Variants in SLCO5A1 observed in about 807,000 individuals in gnomAD.
SLCO5A1 encodes the protein organic anion transporter polypeptide-related protein 4.
SLCO5A1 carries 39 observed loss-of-function variants against 65.1 expected under a neutral mutation model. The observed-to-expected ratio is 0.60, with a 90% CI of 0.46 to 0.78. The LOEUF is 0.78. Among genes scored for constraint, SLCO5A1 ranks in the 30% least tolerant of loss-of-function variants. The pLI, the probability that SLCO5A1 is intolerant of heterozygous loss-of-function variation, is 0.00. For missense variants in SLCO5A1, 1,029 were observed against 1,069.4 expected, an observed-to-expected ratio of 0.96 and a Z score of 0.53; for synonymous variants, 438 against 415.7, an observed-to-expected ratio of 1.05 and a Z score of -0.65.
intron 4 of SLCO5A1, among the ~76,000 whole-genome samples, chr8:69,746,427 T>A (rs1817031806): frequency 6.6e-6 from 1 of 151,966 alleles, no homozygotes; most frequent in South Asian, 2.1e-4. Flanking sequence ...GGGACTAAAG[T>A]CAAACAAGGC....
chr8:69,814,314 A>G (rs181251716), intron 2 of SLCO5A1, among the ~76,000 whole-genome samples: 1 of 152,162 alleles, frequency 6.6e-6, no homozygotes, highest in African/African-American at 2.4e-5. Flanking sequence ...AAGTTCAAAT[A>G]CCTCAATAGC....
chr8:69,806,093 A>AT (rs1416349686), intron 2 of SLCO5A1, among the ~76,000 whole-genome samples: 1 of 152,244 alleles, frequency 6.6e-6, no homozygotes. Context: ...AGGAAGGTCC[A>AT]TGAATCTGCA....
chr8:69,691,724 G>T (rs1010818206), intron 6 of SLCO5A1, among the ~76,000 whole-genome samples: 1 of 152,092 alleles, frequency 6.6e-6, no homozygotes. Flanking sequence ...TTAATGACAG[G>T]GACACATTCT....
At chr8:69,694,108 T>G (rs916191142) in intron 6 of SLCO5A1, among the ~76,000 whole-genome samples, 3 of 152,156 alleles carry the variant, frequency 2.0e-5, no homozygotes, top group African/African-American at 7.2e-5. Flanking sequence ...ACATCCCCAA[T>G]AGCTCATTCA....
chr8:69,687,544 A>G (rs2130794538), intron 6 of SLCO5A1, among the ~76,000 whole-genome samples: 1 of 152,312 alleles, frequency 6.6e-6, no homozygotes, highest in East Asian at 1.9e-4. Flanking sequence ...ATAATGTGTC[A>G]CTTATATGGC....
At chr8:69,796,740 A>G (rs1028008860) in intron 2 of SLCO5A1, among the ~76,000 whole-genome samples, 3 of 151,980 alleles carry the variant, frequency 2.0e-5, no homozygotes, top group Non-Finnish European at 2.9e-5. Context: ...TTGCTCATAC[A>G]TATGAGCATA....
intron 2 of SLCO5A1, among the ~76,000 whole-genome samples, chr8:69,812,209 A>T (rs1325213805): frequency 1.3e-5 from 2 of 152,180 alleles, no homozygotes; most frequent in African/African-American, 4.8e-5. Flanking sequence ...GCAACTTCTT[A>T]ACGTTAGTTT....
At chr8:69,817,775 T>G (rs1820465965) in intron 2 of SLCO5A1, among the ~76,000 whole-genome samples, 1 of 152,358 alleles carries the variant, frequency 6.6e-6, no homozygotes, top group Admixed American at 6.5e-5. Context: ...CTGATCCTTA[T>G]TCTCCAAAAC....
intron 5 of SLCO5A1, among the ~76,000 whole-genome samples, chr8:69,724,207 T>C (rs1815962030): frequency 1.3e-5 from 2 of 152,232 alleles, no homozygotes; most frequent in Admixed American, 1.3e-4. Context: ...TTGGTATTTA[T>C]ACAGTACCTA....
chr8:69,765,445 T>A (rs1818021778), intron 2 of SLCO5A1, among the ~76,000 whole-genome samples: 1 of 151,650 alleles, frequency 6.6e-6, no homozygotes, highest in East Asian at 1.9e-4. Flanking sequence ...TATATAATTC[T>A]TGACCTGGTC....
intron 8 of SLCO5A1, among the ~76,000 whole-genome samples, chr8:69,677,253 C>T (rs968007007): frequency 2.0e-5 from 3 of 152,120 alleles, no homozygotes; most frequent in Non-Finnish European, 4.4e-5. Flanking sequence ...ACTTATACTC[C>T]AAGTTATTCC....
Position 69,702,113 on chromosome 8 carries a change from T to G in SLCO5A1, c.1622+2918A>C, listed in dbSNP as rs978987560. Among the ~76,000 whole-genome samples the G allele has an allele frequency of 1.3e-4, 20 of 152,364 alleles. No homozygotes were observed. The East Asian group carries it at 3.7e-3, about 28-fold the overall frequency. On this transcript the variant is annotated intron_variant, in intron 6 of 9. Transcript: ENST00000260126. ...AGCTAGTCATAAGACTGCTGGGTTT[T>G]TGTTATGAACTTTTTAATTCTATTT...
At chr8:69,711,207 C>T (rs1331787629) in intron 5 of SLCO5A1, among the ~76,000 whole-genome samples, 1 of 152,134 alleles carries the variant, frequency 6.6e-6, no homozygotes, top group Non-Finnish European at 1.5e-5. Context: ...TACGGTCCTG[C>T]CGCTAGCCCT....
rs780874586 is a variant in SLCO5A1 at position 69,832,309 on chromosome 8, A to T, written c.365T>A (p.Val122Glu). 6.2e-7 allele frequency: 1 copy of T among 1,614,218 alleles called. No homozygotes were observed. Among genetic ancestry groups the T allele is most frequent in the South Asian group, 1.1e-5 (1 of 91,090 alleles). Residue 122 changes from valine to glutamate, a missense_variant, in exon 2 of 10, where the codon GTG (valine) becomes GAG (glutamate). Transcript: ENST00000260126. The surrounding 1 kb of genome is among the most constrained non-coding windows in gnomAD (Gnocchi z 4.5). ...AMLQERRCLY[V>E]VLTDSRCFLV... is the part of the protein sequence containing the mutation. ...GAAGCAACGGGAATCCGTGAGGACC[A>T]CGTAGAGGCACCTTCTCTCCTGGAG...
intron 2 of SLCO5A1, among the ~76,000 whole-genome samples, chr8:69,822,415 T>C (rs1820687018): frequency 6.6e-6 from 1 of 152,220 alleles, no homozygotes; most frequent in Admixed American, 6.5e-5. Context: ...CCTTGAGTCC[T>C]GAGAAAATTT....
chr8:69,690,014 G>C lies in SLCO5A1; in HGVS notation c.1623-7671C>G, dbSNP rs150914300. On this transcript the variant is annotated intron_variant, in intron 6 of 9. Transcript: ENST00000260126. ...TTTGTTTGTATCCTCTTTTATTTCA[G>C]CAAGGCCGGTGGACCCCGCCCCGCC... Among the ~76,000 whole-genome samples the C allele has an allele frequency of 5.1e-3, 780 of 151,736 alleles. 6 individuals carry two copies. The highest frequency in any genetic ancestry group is 0.016 in the African/African-American group (666 of 41,490).
In SLCO5A1 at chr8:69,798,085, C is replaced by T. The variant is rs113874198; in HGVS notation, c.907+33682G>A. Among the ~76,000 whole-genome samples, 1,053 of 152,286 alleles carry T rather than the reference C, an allele frequency of 6.9e-3. 5 individuals are homozygous for T. Among genetic ancestry groups the T allele is most frequent in the Non-Finnish European group, 0.012 (794 of 68,032 alleles). On this transcript the variant is annotated intron_variant, in intron 2 of 9. Coordinates refer to ENST00000260126, the MANE Select transcript of SLCO5A1 (RefSeq NM_030958.3). Reference sequence around the variant, plus strand: ...TCTTTCCCTTTACTTCTCAGACCAGCCGACACTTAGGGAAAATAGAAAAGA... The same window carrying T: ...TCTTTCCCTTTACTTCTCAGACCAGTCGACACTTAGGGAAAATAGAAAAGA...
At chr8:69,746,746 C>A (rs1377281800) in intron 4 of SLCO5A1, among the ~76,000 whole-genome samples, 2 of 152,182 alleles carry the variant, frequency 1.3e-5, no homozygotes, top group African/African-American at 4.8e-5. Flanking sequence ...CATAAGCTTC[C>A]ATATTAATCA....
intron 2 of SLCO5A1, among the ~76,000 whole-genome samples, chr8:69,823,592 T>C (rs924528517): frequency 6.6e-6 from 1 of 152,168 alleles, no homozygotes; most frequent in Non-Finnish European, 1.5e-5. Context: ...TAAATATATA[T>C]GCACCCAATA....
Sources: allele counts gnomAD v4.1 joint callset (sites outside exome capture counted in the v4.1 genomes callset), GRCh38; gene constraint gnomAD v4.1.1; non-coding constraint Gnocchi (gnomAD v3.1); transcripts MANE v1.5; gene names NCBI Gene and HGNC (gene_info 2026-07-23, HGNC 2026-07-21).